THRB: variants seen among roughly 807,000 people sequenced by gnomAD.
THRB encodes the protein thyroid hormone receptor beta.
THRB carries 12 observed loss-of-function variants against 47.8 expected under a neutral mutation model. That is an observed-to-expected ratio of 0.25 (90% CI 0.16 to 0.41). The LOEUF is 0.41. THRB is among the 10% of genes least tolerant of loss of function. The pLI is 1.00. For missense variants in THRB, 348 were observed against 589.2 expected (o/e 0.59, Z 4.24); for synonymous variants, 218 against 212.2 (o/e 1.03, Z -0.24).
intron 1 of THRB, among the ~76,000 whole-genome samples, chr3:24,387,293 C>T (rs1472403297): frequency 6.6e-6 from 1 of 152,104 alleles, no homozygotes; most frequent in Non-Finnish European, 1.5e-5. Flanking sequence ...AGGCCTGCAA[C>T]CTGGACAGTA....
chr3:24,217,489 G>C (rs561034348), intron 4 of THRB, among the ~76,000 whole-genome samples: 1 of 152,028 alleles, frequency 6.6e-6, no homozygotes, highest in South Asian at 2.1e-4. Context: ...TGGCTTGGCA[G>C]GTAAGATGTT....
At chr3:24,185,329 A>C (rs2042431481) in intron 5 of THRB, among the ~76,000 whole-genome samples, 1 of 152,238 alleles carries the variant, frequency 6.6e-6, no homozygotes, top group Admixed American at 6.5e-5. Context: ...GTTTATAAAA[A>C]ATACACATGC....
chr3:24,246,830 G>C (rs1395407027), intron 3 of THRB, among the ~76,000 whole-genome samples: 1 of 152,134 alleles, frequency 6.6e-6, no homozygotes, highest in African/African-American at 2.4e-5. Context: ...CCCACTTAAT[G>C]ACTAATTTTT....
At position 24,460,421 on chromosome 3, in the gene THRB, T is replaced by C. The variant is rs1212381484; in HGVS notation, c.-261+34231A>G. Among the ~76,000 whole-genome samples, 3 of 152,226 alleles carry C rather than the reference T, an allele frequency of 2.0e-5. No individual in the cohort carries two copies. In the East Asian group the frequency reaches 5.8e-4, roughly 29 times the overall value. On this transcript the variant is annotated intron_variant, in intron 1 of 10. Coordinates refer to ENST00000646209, the MANE Select transcript of THRB (RefSeq NM_001354712.2). ...GCAATGGGAAAAGTGACAGGATACA[T>C]TCAAACCACTGTGTTGGGTTTGTAA... is the stretch of plus-strand genomic sequence containing the variant.
intron 5 of THRB, among the ~76,000 whole-genome samples, chr3:24,155,331 A>G (rs1197884902): frequency 1.3e-5 from 2 of 152,172 alleles, no homozygotes; most frequent in Non-Finnish European, 2.9e-5. Context: ...AGAAACATCT[A>G]CTTAAGTTGG....
chr3:24,197,913 T>C (rs2149689776), intron 4 of THRB, among the ~76,000 whole-genome samples: 1 of 152,350 alleles, frequency 6.6e-6, no homozygotes, highest in South Asian at 2.1e-4. Flanking sequence ...AACCGTGTTT[T>C]TACTTTGGCA....
chr3:24,123,349 T>G (rs1011524267), intron 10 of THRB, among the ~76,000 whole-genome samples: 4 of 152,154 alleles, frequency 2.6e-5, no homozygotes, highest in Non-Finnish European at 5.9e-5. Flanking sequence ...AATATCTCTG[T>G]TTAGACAGTT....
At chr3:24,247,241 G>T (rs1271884167) in intron 3 of THRB, among the ~76,000 whole-genome samples, 1 of 152,212 alleles carries the variant, frequency 6.6e-6, no homozygotes, top group East Asian at 1.9e-4. Flanking sequence ...ACACATGTGT[G>T]CACGGTTTCC....
chr3:24,416,628 A>G (rs112192610), intron 1 of THRB, among the ~76,000 whole-genome samples: 279 of 151,990 alleles, frequency 1.8e-3, no homozygotes, highest in African/African-American at 6.3e-3. Context: ...CTCTGCTCCA[A>G]TTCTGTATTA....
intron 1 of THRB, among the ~76,000 whole-genome samples, chr3:24,346,486 C>T (rs912205628): frequency 6.6e-6 from 1 of 151,882 alleles, no homozygotes. Context: ...TCAGTAATTG[C>T]ATAAAATGCA....
At chr3:24,447,149 G>C (rs1397262948) in intron 1 of THRB, among the ~76,000 whole-genome samples, 2 of 152,076 alleles carry the variant, frequency 1.3e-5, no homozygotes, top group Non-Finnish European at 1.5e-5. Flanking sequence ...TTTCCAATTA[G>C]TTTTTAAGTC....
intron 3 of THRB, among the ~76,000 whole-genome samples, chr3:24,281,643 A>AGC (rs779648124): frequency 1.9e-5 from 1 of 51,620 alleles, no homozygotes; most frequent in African/African-American, 4.9e-5. Context: ...GACTGGCGAA[A>AGC]TGGATAAAGA....
intron 1 of THRB, among the ~76,000 whole-genome samples, chr3:24,363,776 T>C (rs1230517086): frequency 6.6e-6 from 1 of 152,182 alleles, no homozygotes; most frequent in Non-Finnish European, 1.5e-5. Context: ...TTTCAAGTAA[T>C]ACACTTCATA....
intron 1 of THRB, among the ~76,000 whole-genome samples, chr3:24,492,151 C>T (rs967123666): frequency 1.3e-5 from 2 of 152,160 alleles, no homozygotes; most frequent in African/African-American, 2.4e-5. Flanking sequence ...TATTTGGACA[C>T]AATCATTAAT....
chr3:24,407,735 G>A (rs949816441), intron 1 of THRB, among the ~76,000 whole-genome samples: 2 of 151,736 alleles, frequency 1.3e-5, no homozygotes, highest in African/African-American at 4.8e-5. Flanking sequence ...TAACTTCCTA[G>A]CATGGTATAG....
At chr3:24,410,321 G>T (rs776504867) in intron 1 of THRB, among the ~76,000 whole-genome samples, 14 of 151,790 alleles carry the variant, frequency 9.2e-5, no homozygotes, top group Non-Finnish European at 1.9e-4. Flanking sequence ...AACCAAATTG[G>T]CCTAGTTTCA....
chr3:24,286,919 C>T (rs2055367002), intron 3 of THRB, among the ~76,000 whole-genome samples: 1 of 152,094 alleles, frequency 6.6e-6, no homozygotes, highest in Non-Finnish European at 1.5e-5. Flanking sequence ...TTAAAATGAC[C>T]CTTCTCACTT....
intron 1 of THRB, among the ~76,000 whole-genome samples, chr3:24,417,067 C>T (rs1371062056): frequency 6.6e-6 from 1 of 150,532 alleles, no homozygotes; most frequent in Non-Finnish European, 1.5e-5. Context: ...GCATATTTAT[C>T]CTCCATTGAC....
chr3:24,130,336 C>T (rs1470790625), intron 9 of THRB, among the ~76,000 whole-genome samples: 5 of 152,274 alleles, frequency 3.3e-5, no homozygotes, highest in South Asian at 4.1e-4. Flanking sequence ...GATGAAAGTG[C>T]GCAGTGTGTT....
Sources: allele counts gnomAD v4.1 joint callset (sites outside exome capture counted in the v4.1 genomes callset), GRCh38; gene constraint gnomAD v4.1.1; transcripts MANE v1.5; gene names NCBI Gene and HGNC (gene_info 2026-07-23, HGNC 2026-07-21).